Variants in FHOD3 observed in about 807,000 individuals in gnomAD.
The protein encoded by FHOD3 is formin homology 2 domain containing 3.
In FHOD3, 90 loss-of-function variants were observed where a neutral mutation model predicts 173.0. The ratio of observed to expected loss-of-function variants is 0.52; its 90% CI spans 0.44 to 0.62. The LOEUF is 0.62. Among genes scored for constraint, FHOD3 ranks in the 20% least tolerant of loss-of-function variants. FHOD3 has a pLI of 0.00. For missense variants in FHOD3, 1,945 were observed against 2,034.7 expected (o/e 0.96, Z 0.85); for synonymous variants, 828 against 823.0 (o/e 1.01, Z -0.10).
rs114819068 is a variant in FHOD3 at position 36,371,998 on chromosome 18, C to A, written c.273-682C>A. Among the ~76,000 whole-genome samples, 704 of 152,258 alleles carry A rather than the reference C, an allele frequency of 4.6e-3. 6 individuals carry two copies. The highest frequency in any genetic ancestry group is 0.016 in the African/African-American group (678 of 41,530). ...CTTTATCTCCTTCTACCAACTGCTC[C>A]GTGCTTTGGTTCCTCTCTGCATAAA... On this transcript the variant is annotated intron_variant, in intron 2 of 28. Coordinates refer to ENST00000590592, the MANE Select transcript of FHOD3 (RefSeq NM_001281740.3).
chr18:36,400,130 G>GT (rs1344385261), intron 3 of FHOD3, among the ~76,000 whole-genome samples: 1 of 152,158 alleles, frequency 6.6e-6, no homozygotes, highest in Admixed American at 6.5e-5. Flanking sequence ...CAACAGTAGA[G>GT]TTTATGGGTA....
chr18:36,308,812 C>T (rs894347731), intron 1 of FHOD3, among the ~76,000 whole-genome samples: 1 of 151,972 alleles, frequency 6.6e-6, no homozygotes, highest in Non-Finnish European at 1.5e-5. Flanking sequence ...GGAAAAAGTG[C>T]AACATATGTT....
At chr18:36,627,175 G>A (rs1240157734) in intron 10 of FHOD3, among the ~76,000 whole-genome samples, 1 of 152,162 alleles carries the variant, frequency 6.6e-6, no homozygotes, top group Non-Finnish European at 1.5e-5. Flanking sequence ...CAAAGAAAAA[G>A]CCCTCGAAGC....
chr18:36,528,251 G>T, intron 5 of FHOD3, among the ~76,000 whole-genome samples: 1 of 152,194 alleles, frequency 6.6e-6, no homozygotes, highest in East Asian at 1.9e-4. Flanking sequence ...CACAAGATAA[G>T]ATCTTGAGCA....
chr18:36,527,666 G>T (rs1299282496), intron 5 of FHOD3, among the ~76,000 whole-genome samples: 1 of 152,152 alleles, frequency 6.6e-6, no homozygotes, highest in Admixed American at 6.5e-5. Flanking sequence ...CCTTTGAGCT[G>T]CAGCATGTAG....
In FHOD3 at chr18:36,629,270, G is replaced by A. The variant is rs184525674; in HGVS notation, c.1196+3521G>A. ...CAACTGAATTCTGCCTTTGTAGCAC[G>A]TCAACAGCCATCAGCCACTGGTACT... On this transcript the variant is annotated intron_variant, in intron 10 of 28. Transcript: ENST00000590592. Among the ~76,000 whole-genome samples the A allele has an allele frequency of 2.5e-3, 382 of 152,294 alleles. 3 individuals carry two copies. Among genetic ancestry groups the A allele is most frequent in the Non-Finnish European group, 2.4e-3 (165 of 68,034 alleles).
chr18:36,583,738 C>T (rs2058934135), intron 6 of FHOD3, among the ~76,000 whole-genome samples: 1 of 152,202 alleles, frequency 6.6e-6, no homozygotes, highest in African/African-American at 2.4e-5. Context: ...GGGGTTTATG[C>T]TCTCATGGTA....
In FHOD3 at chr18:36,652,914, C is replaced by T. The variant is rs1199812074; in HGVS notation, c.1631C>T (p.Ser544Phe). The change falls in exon 12 of 29, where the codon TCC becomes TTC. Residue 544 changes from serine to phenylalanine, a missense_variant. Physicochemically the swap from Ser to Phe is radical, Grantham distance 155. Coordinates refer to ENST00000590592, the MANE Select transcript of FHOD3 (RefSeq NM_001281740.3). Reference protein sequence around the residue: ...SLSTKEKEAESQKENSSSDSF... With the variant: ...SLSTKEKEAEFQKENSSSDSF... ...TCCACCAAGGAGAAGGAAGCAGAGT[C>T]CCAGAAGGAAAACAGGTAGATTTGC... is the stretch of plus-strand genomic sequence containing the variant. 1 of 1,531,954 alleles carries T rather than the reference C, an allele frequency of 6.5e-7. No individual in the cohort carries two copies. The highest frequency in any genetic ancestry group is 8.7e-7 in the Non-Finnish European group (1 of 1,143,716). The allele number at this position is 1,531,954 out of a possible 1,614,324, so 94.9% of individuals were successfully genotyped here.
intron 19 of FHOD3, among the ~76,000 whole-genome samples, chr18:36,726,496 C>T (rs2041077881): frequency 6.6e-6 from 1 of 152,046 alleles, no homozygotes; most frequent in African/African-American, 2.4e-5. Context: ...GATGCCATCC[C>T]CTTCAAGAAA....
intron 19 of FHOD3, among the ~76,000 whole-genome samples, chr18:36,723,926 C>T (rs2040919745): frequency 6.6e-6 from 1 of 152,180 alleles, no homozygotes; most frequent in South Asian, 2.1e-4. Flanking sequence ...TAACTGCAAC[C>T]TGAATCCTCA....
chr18:36,636,656 G>T (rs946372878), intron 10 of FHOD3, among the ~76,000 whole-genome samples: 44 of 142,018 alleles, frequency 3.1e-4, no homozygotes, highest in African/African-American at 9.8e-4. Context: ...CATTCCTGAG[G>T]TTTTTTTTTT....
At chr18:36,705,216 C>T (rs1205009931) in intron 17 of FHOD3, among the ~76,000 whole-genome samples, 1 of 152,174 alleles carries the variant, frequency 6.6e-6, no homozygotes, top group Non-Finnish European at 1.5e-5. Context: ...CGCTGGTTGC[C>T]CTGGCCCCTG....
chr18:36,557,554 A>G (rs539214972), intron 5 of FHOD3, among the ~76,000 whole-genome samples: 6 of 152,280 alleles, frequency 3.9e-5, no homozygotes, highest in Non-Finnish European at 8.8e-5. Flanking sequence ...CTTTATAATC[A>G]TTATTTCAGT....
At chr18:36,733,138 C>T (rs184932951) in intron 20 of FHOD3, among the ~76,000 whole-genome samples, 175 of 152,312 alleles carry the variant, frequency 1.1e-3, no homozygotes, top group Non-Finnish European at 2.1e-3. Flanking sequence ...ATAAACTCCC[C>T]CACATTCCCT....
intron 3 of FHOD3, among the ~76,000 whole-genome samples, chr18:36,415,594 G>A (rs1207639493): frequency 5.9e-5 from 9 of 152,210 alleles, no homozygotes; most frequent in Non-Finnish European, 1.0e-4. Flanking sequence ...TTTTATTCAG[G>A]CAACTTAATT....
intron 6 of FHOD3, among the ~76,000 whole-genome samples, chr18:36,579,545 A>G (rs2058771821): frequency 6.6e-6 from 1 of 152,160 alleles, no homozygotes; most frequent in African/African-American, 2.4e-5. Flanking sequence ...TCCCCAATGC[A>G]ACAGTGTCAA....
At chr18:36,439,521 ATGTGTG>A (rs33931333) in intron 3 of FHOD3, among the ~76,000 whole-genome samples, 13,474 of 144,454 alleles carry the variant, frequency 0.093, 711 homozygotes, top group Non-Finnish European at 0.11. Context: ...AACCAATAGA[ATGTGTG>A]TGTGTGTGTG....
chr18:36,637,589 T>C (rs992269825), intron 10 of FHOD3, among the ~76,000 whole-genome samples: 1 of 152,194 alleles, frequency 6.6e-6, no homozygotes, highest in Non-Finnish European at 1.5e-5. Flanking sequence ...CCCATGTTCT[T>C]GGATCTGAGA....
chr18:36,511,308 GA>G (rs375364776), intron 4 of FHOD3, among the ~76,000 whole-genome samples: 2 of 149,610 alleles, frequency 1.3e-5, no homozygotes, highest in African/African-American at 4.9e-5. Context: ...TTGGTACTAT[GA>G]AAAAAATGAC....
Sources: allele counts gnomAD v4.1 joint callset (sites outside exome capture counted in the v4.1 genomes callset), GRCh38; gene constraint gnomAD v4.1.1; transcripts MANE v1.5; gene names NCBI Gene and HGNC (gene_info 2026-07-23, HGNC 2026-07-21).